The following SDK1 variants were observed in gnomAD, a reference collection of about 807,000 sequenced individuals.
The protein encoded by SDK1 is protein sidekick-1.
In SDK1, 157 loss-of-function variants were observed where a neutral mutation model predicts 245.5. The observed-to-expected ratio is 0.64, with a 90% CI of 0.56 to 0.73. SDK1 has a LOEUF of 0.73. Ranked by LOEUF, SDK1 falls within the 30% of genes least tolerant of loss-of-function variation. SDK1 has a pLI of 0.00. For synonymous variants in SDK1, 1,647 were observed against 1,278.5 expected (o/e 1.29, Z -6.15); for missense variants, 3,583 against 3,002.3 (o/e 1.19, Z -4.52).
intron 1 of SDK1, among the ~76,000 whole-genome samples, chr7:3,616,376 C>T (rs906179205): frequency 3.3e-5 from 5 of 152,220 alleles, no homozygotes; most frequent in Non-Finnish European, 7.3e-5. Context: ...GCCTGCAAGG[C>T]CCTGCACAAC....
intron 4 of SDK1, among the ~76,000 whole-genome samples, chr7:3,660,598 C>T (rs2128659210): frequency 6.6e-6 from 1 of 152,258 alleles, no homozygotes; most frequent in South Asian, 2.1e-4. Flanking sequence ...GGTCCTGTTT[C>T]ACGCCCCAAC....
chr7:3,514,537 T>A (rs762452980), intron 1 of SDK1, among the ~76,000 whole-genome samples: 3 of 152,178 alleles, frequency 2.0e-5, no homozygotes, highest in Non-Finnish European at 4.4e-5. Flanking sequence ...TCTTTGTCAG[T>A]CACTGCTCGC....
intron 5 of SDK1, among the ~76,000 whole-genome samples, chr7:3,916,427 G>C (rs1044638167): frequency 6.6e-6 from 1 of 152,212 alleles, no homozygotes; most frequent in Non-Finnish European, 1.5e-5. Context: ...TTGGGGTCCT[G>C]AGTTTCTATT....
At chr7:3,778,519 A>T (rs1351733569) in intron 4 of SDK1, among the ~76,000 whole-genome samples, 2 of 152,230 alleles carry the variant, frequency 1.3e-5, no homozygotes, top group African/African-American at 4.8e-5. Flanking sequence ...TTCATCTAAC[A>T]GTTATTTCTA....
intron 1 of SDK1, among the ~76,000 whole-genome samples, chr7:3,615,445 C>T (rs1176439789): frequency 6.6e-6 from 1 of 151,726 alleles, no homozygotes; most frequent in African/African-American, 2.4e-5. Context: ...ACTCTTGGAA[C>T]AGGACAAGGC....
At chr7:3,329,017 A>T (rs546607135) in intron 1 of SDK1, among the ~76,000 whole-genome samples, 63 of 152,270 alleles carry the variant, frequency 4.1e-4, no homozygotes, top group African/African-American at 1.5e-3. Flanking sequence ...TCATCAATGT[A>T]GTCTTTTACG....
intron 1 of SDK1, among the ~76,000 whole-genome samples, chr7:3,440,539 T>C (rs1780165779): frequency 6.6e-6 from 1 of 152,288 alleles, no homozygotes; most frequent in Non-Finnish European, 1.5e-5. Flanking sequence ...ACTGTTGCAG[T>C]ATCTCAGTGC....
chr7:3,814,236 A>G (rs1003859784), intron 4 of SDK1, among the ~76,000 whole-genome samples: 1 of 151,584 alleles, frequency 6.6e-6, no homozygotes, highest in African/African-American at 2.4e-5. Flanking sequence ...TAGGGTTTTT[A>G]TGGTTTTAGG....
At chr7:3,827,962 C>G (rs1779817603) in intron 5 of SDK1, among the ~76,000 whole-genome samples, 1 of 152,210 alleles carries the variant, frequency 6.6e-6, no homozygotes, top group Non-Finnish European at 1.5e-5. Context: ...TAGAACAAAG[C>G]ACGTCTGTCC....
chr7:3,424,317 A>G lies in SDK1; in HGVS notation c.298+122433A>G, dbSNP rs549960509. Among the ~76,000 whole-genome samples the G allele has an allele frequency of 5.3e-5, 8 of 152,312 alleles. No individual in the cohort carries two copies. In the South Asian group the frequency reaches 1.7e-3, roughly 32 times the overall value. ...TGATAATCAGAATAGCTTGATGTAG[A>G]TATTTGGTATCTTTTTAGAATAATT... On this transcript the variant is annotated intron_variant, in intron 1 of 44. Transcript: ENST00000404826.
At chr7:3,450,844 G>A (rs958571286) in intron 1 of SDK1, among the ~76,000 whole-genome samples, 1 of 152,186 alleles carries the variant, frequency 6.6e-6, no homozygotes, top group African/African-American at 2.4e-5. Flanking sequence ...CATCTAAGAT[G>A]TAGGCAAAGG....
In SDK1 at chr7:3,577,995, A is replaced by C. The variant is rs986341339; in HGVS notation, c.299-41085A>C. On this transcript the variant is annotated intron_variant, in intron 1 of 44. Coordinates refer to ENST00000404826, the MANE Select transcript of SDK1 (RefSeq NM_152744.4). ...CTAGTGAAATTTATTCTTTCCACTC[A>C]ACTTACAGTGAGAGAGGTGGCAATG... is the stretch of plus-strand genomic sequence containing the variant. 2.0e-5 allele frequency among the ~76,000 whole-genome samples: 3 copies of C among 152,028 alleles called. No homozygotes were observed. The South Asian group carries it at 6.2e-4, about 32-fold the overall frequency.
chr7:3,697,463 A>G (rs1162163557), intron 4 of SDK1, among the ~76,000 whole-genome samples: 21 of 152,218 alleles, frequency 1.4e-4, no homozygotes, highest in Admixed American at 1.1e-3. Flanking sequence ...CTGCTTCATT[A>G]GAAGTTGGTG....
intron 1 of SDK1, among the ~76,000 whole-genome samples, chr7:3,580,735 GAGGC>G (rs1391053403): frequency 6.6e-6 from 1 of 152,128 alleles, no homozygotes; most frequent in Non-Finnish European, 1.5e-5. Context: ...TTGGGAGACT[GAGGC>G]AGGCGGAGCA....
intron 4 of SDK1, among the ~76,000 whole-genome samples, chr7:3,732,097 T>G (rs1394933318): frequency 6.6e-6 from 1 of 152,226 alleles, no homozygotes; most frequent in Non-Finnish European, 1.5e-5. Flanking sequence ...GCAGTAATTT[T>G]ATTTTTAAGA....
chr7:3,995,343 C>T (rs1217723373), intron 14 of SDK1, among the ~76,000 whole-genome samples: 1 of 152,168 alleles, frequency 6.6e-6, no homozygotes, highest in African/African-American at 2.4e-5. Flanking sequence ...AAGGTGCTAC[C>T]CCATCTCCTC....
At position 3,902,123 on chromosome 7, in the gene SDK1, C is replaced by G. The variant is rs941403975; in HGVS notation, c.848-48800C>G. 4.6e-5 allele frequency among the ~76,000 whole-genome samples: 7 copies of G among 152,308 alleles called. No individual in the cohort carries two copies. The South Asian group carries it at 6.2e-4, about 14-fold the overall frequency. On this transcript the variant is annotated intron_variant, in intron 5 of 44. Coordinates refer to ENST00000404826, the MANE Select transcript of SDK1 (RefSeq NM_152744.4). ...CAATATGATATTTACGAACCAAGAT[C>G]TGGCTGCTAAGTGTGCTTATTACTT...
chr7:3,579,334 G>C (rs1437727848), intron 1 of SDK1, among the ~76,000 whole-genome samples: 1 of 152,178 alleles, frequency 6.6e-6, no homozygotes, highest in Non-Finnish European at 1.5e-5. Context: ...ACCATGATCA[G>C]GTAGGCGTTA....
Position 4,265,275 on chromosome 7 carries a change from C to A in SDK1, c.6533C>A (p.Ala2178Glu), listed in dbSNP as rs746870660. Residue 2178 changes from alanine (A) to glutamate (E), a missense_variant, in exon 45 of 45, where the codon GCG becomes GAG. Ala to Glu is a moderately radical substitution (Grantham distance 107). Coordinates refer to ENST00000404826, the MANE Select transcript of SDK1 (RefSeq NM_152744.4). ...TACGAGGCGGTGGCGGGCTCCGAGG[C>A]GGGCGCGCAGCTGCACCCGGTCATC... Reference protein sequence around the residue: ...HRYEAVAGSEAGAQLHPVITT... With the variant: ...HRYEAVAGSEEGAQLHPVITT... The A allele has an allele frequency of 4.4e-6, 7 of 1,590,984 alleles. No homozygotes were observed. The highest frequency in any genetic ancestry group is 6.0e-6 in the Non-Finnish European group (7 of 1,174,596).
Sources: gnomAD v4.1 joint callset for allele counts (sites outside exome capture counted in the v4.1 genomes callset) on GRCh38, gnomAD v4.1.1 for gene constraint, MANE v1.5 for transcripts, NCBI Gene and HGNC (gene_info 2026-07-23, HGNC 2026-07-21) for gene names.